Variants in STXBP4 observed in about 807,000 individuals in gnomAD.
The protein encoded by STXBP4 is syntaxin binding protein 4.
Under a neutral mutation model 76.1 loss-of-function variants are expected in STXBP4, and 55 were observed. That is an observed-to-expected ratio of 0.72 (90% confidence interval 0.58 to 0.91). STXBP4 has a LOEUF of 0.91. Among genes scored for constraint, STXBP4 ranks in the 40% least tolerant of loss-of-function variants. The pLI, the probability that STXBP4 is intolerant of heterozygous loss-of-function variation, is 0.00. For missense variants in STXBP4, 618 were observed against 636.9 expected (o/e 0.97, Z 0.32); for synonymous variants, 201 against 220.2 (o/e 0.91, Z 0.77).
intron 4 of STXBP4, among the ~76,000 whole-genome samples, chr17:54,993,489 T>G (rs79324844): frequency 0.31 from 30,261 of 96,334 alleles, 3,582 homozygotes; most frequent in East Asian, 0.6. Flanking sequence ...ATAAAAAAAT[T>G]TATAGAAGTA....
intron 6 of STXBP4, 93 bp from the exon 7 acceptor site, chr17:55,000,715 T>C: frequency 1.1e-6 from 1 of 881,438 alleles, no homozygotes; most frequent in South Asian, 1.5e-5. Flanking sequence ...GATAATTACT[T>C]TAATCTCTTT....
Position 55,171,547 on chromosome 17 carries a change from C to T in STXBP4, c.*11636C>T, listed in dbSNP as rs2080406210. 6.6e-6 allele frequency: 1 copy of T among 152,144 alleles called. No homozygotes were observed. Among genetic ancestry groups the T allele is most frequent in the Non-Finnish European group, 1.5e-5 (1 of 68,022 alleles). 9.4% of individuals were successfully genotyped at this position (152,144 alleles called of 1,614,324 possible). ...CCAGGGAATACCTCCCCATTGAAGC[C>T]TAGGCCAGATTCCAGTCCGTTTTGA... On this transcript the variant is annotated 3_prime_UTR_variant, in exon 18 of 18. Transcript: ENST00000376352.
intron 10 of STXBP4, among the ~76,000 whole-genome samples, chr17:55,037,738 C>T (rs938737232): frequency 6.6e-6 from 1 of 152,016 alleles, no homozygotes; most frequent in Admixed American, 6.6e-5. Context: ...GAAACAAAAG[C>T]CTGTCAAAGC....
rs562159808 is a variant in STXBP4 at position 55,028,902 on chromosome 17, T to C, written c.667-2266T>C. Among the ~76,000 whole-genome samples, 6 of 152,274 alleles carry C rather than the reference T, an allele frequency of 3.9e-5. No individual in the cohort carries two copies. In the East Asian group the frequency reaches 9.6e-4, roughly 24 times the overall value. ...TTATTCACTACTGGTGTGCATAAAT[T>C]AATGAAGCCAGTTTGGAGAACAATT... On this transcript the variant is annotated intron_variant, in intron 8 of 17. Transcript: ENST00000376352.
At chr17:55,140,142 A>G (rs545688325) in intron 16 of STXBP4, among the ~76,000 whole-genome samples, 83 of 152,178 alleles carry the variant, frequency 5.5e-4, no homozygotes, top group African/African-American at 2.0e-3. Context: ...GGTCTCTACA[A>G]AAAAATTTAA....
At chr17:54,982,392 T>A (rs2077562433) in intron 1 of STXBP4, among the ~76,000 whole-genome samples, 2 of 152,156 alleles carry the variant, frequency 1.3e-5, no homozygotes, top group South Asian at 4.1e-4. Flanking sequence ...CTAATTTAAG[T>A]TTTCTGGAAT....
chr17:54,999,953 T>A, intron 6 of STXBP4, 111 bp downstream of exon 6: 1 of 839,552 alleles, frequency 1.2e-6, no homozygotes, highest in Non-Finnish European at 1.8e-6. Flanking sequence ...GTTAACAAAT[T>A]AATATTTCTT....
At chr17:55,004,913 G>A (rs1195440324) in intron 7 of STXBP4, among the ~76,000 whole-genome samples, 2 of 152,162 alleles carry the variant, frequency 1.3e-5, no homozygotes, top group Non-Finnish European at 2.9e-5. Flanking sequence ...ATAGAGAGAT[G>A]TCATTGGCAG....
intron 1 of STXBP4, among the ~76,000 whole-genome samples, chr17:54,978,539 T>C (rs570576809): frequency 2.4e-4 from 37 of 152,304 alleles, no homozygotes; most frequent in African/African-American, 8.7e-4. Flanking sequence ...CTCTTTTAAA[T>C]TGCAACATTT....
At chr17:55,203,027 G>T in the STXBP4 span, among the ~76,000 whole-genome samples, 1 of 152,134 alleles carries the variant, frequency 6.6e-6, no homozygotes, top group African/African-American at 2.4e-5. Flanking sequence ...GCTGGAAGTT[G>T]TATTTCCTGG....
chr17:55,101,013 T>C (rs908289594), intron 16 of STXBP4, among the ~76,000 whole-genome samples: 17 of 152,170 alleles, frequency 1.1e-4, no homozygotes, highest in African/African-American at 4.1e-4. Flanking sequence ...TGAAGCCTTA[T>C]GAGATCCTAA....
the STXBP4 span, among the ~76,000 whole-genome samples, chr17:55,189,196 A>G: frequency 6.6e-6 from 1 of 152,238 alleles, no homozygotes; most frequent in Non-Finnish European, 1.5e-5. Context: ...GGATGCTTCA[A>G]AAAACCAAGT....
Position 55,018,294 on chromosome 17 carries a change from T to C in STXBP4, c.666+10697T>C, listed in dbSNP as rs190475976. 7.0e-3 allele frequency among the ~76,000 whole-genome samples: 1,063 copies of C among 152,212 alleles called. 15 individuals carry two copies. Among genetic ancestry groups the C allele is most frequent in the African/African-American group, 0.024 (1,004 of 41,528 alleles). ...GAACGGCAATGGGCAACTTGCTGGATCAGGAGCACAGCGGACACTCTGCCG... is the reference window on the plus strand; with the variant it reads ...GAACGGCAATGGGCAACTTGCTGGACCAGGAGCACAGCGGACACTCTGCCG... On this transcript the variant is annotated intron_variant, in intron 8 of 17. Coordinates refer to ENST00000376352, the MANE Select transcript of STXBP4 (RefSeq NM_178509.6).
intron 16 of STXBP4, among the ~76,000 whole-genome samples, chr17:55,092,583 A>G (rs1358423574): frequency 6.6e-6 from 1 of 152,202 alleles, no homozygotes; most frequent in Non-Finnish European, 1.5e-5. Context: ...AGCAGTGACC[A>G]TCTGATTGCA....
chr17:54,994,461 C>G (rs535727336), intron 4 of STXBP4, among the ~76,000 whole-genome samples: 1 of 152,180 alleles, frequency 6.6e-6, no homozygotes, highest in Non-Finnish European at 1.5e-5. Flanking sequence ...TACACAAAGT[C>G]AGAAAATTTA....
At chr17:55,101,152 C>G (rs2079559073) in intron 16 of STXBP4, among the ~76,000 whole-genome samples, 1 of 152,190 alleles carries the variant, frequency 6.6e-6, no homozygotes, top group Non-Finnish European at 1.5e-5. Context: ...ACACCATAAA[C>G]TATTGCCATT....
chr17:55,092,196 A>G (rs1487070764), intron 16 of STXBP4, among the ~76,000 whole-genome samples: 10 of 152,166 alleles, frequency 6.6e-5, no homozygotes, highest in African/African-American at 2.2e-4. Context: ...AAGACTACAC[A>G]TTGGGTGCAG....
intron 13 of STXBP4, among the ~76,000 whole-genome samples, chr17:55,073,604 T>G (rs2079147189): frequency 6.6e-6 from 1 of 152,168 alleles, no homozygotes; most frequent in African/African-American, 2.4e-5. Flanking sequence ...AGCAAAATAC[T>G]GAATGCTTTT....
chr17:55,181,228 G>C, the STXBP4 span, among the ~76,000 whole-genome samples: 1 of 152,134 alleles, frequency 6.6e-6, no homozygotes, highest in Non-Finnish European at 1.5e-5. Flanking sequence ...GAACTACCAA[G>C]GTGCTTAGCA....
Sources: allele counts gnomAD v4.1 joint callset (sites outside exome capture counted in the v4.1 genomes callset), GRCh38; gene constraint gnomAD v4.1.1; transcripts MANE v1.5; gene names NCBI Gene and HGNC (gene_info 2026-07-23, HGNC 2026-07-21).